ZNF695: variants seen among roughly 807,000 people sequenced by gnomAD.
The protein encoded by ZNF695 is zinc finger protein 695.
ZNF695 carries 11 observed loss-of-function variants against 11.2 expected under a neutral mutation model. The observed-to-expected ratio is 0.98, with a 90% CI of 0.62 to 1.62. ZNF695 has a LOEUF of 1.62. Among genes scored for constraint, ZNF695 ranks in the 40% most tolerant of loss-of-function variants. ZNF695 has a pLI of 0.00. For synonymous variants in ZNF695, 190 were observed against 201.4 expected (o/e 0.94, Z 0.48); for missense variants, 559 against 590.5 (o/e 0.95, Z 0.55).
chr1:246,974,552 T>C (rs780406914), intron 4 of ZNF695, among the ~76,000 whole-genome samples: 3 of 152,236 alleles, frequency 2.0e-5, no homozygotes, highest in Non-Finnish European at 4.4e-5. Flanking sequence ...GTAAATTTCA[T>C]ATCATGTGGC....
intron 5 of ZNF695, among the ~76,000 whole-genome samples, chr1:246,954,471 C>T (rs969970254): frequency 4.6e-5 from 7 of 152,164 alleles, no homozygotes; most frequent in African/African-American, 1.2e-4. Context: ...TGGCAGTCAC[C>T]GTTCCCCAAA....
At chr1:246,990,221 C>G (rs1227309395) in intron 3 of ZNF695, among the ~76,000 whole-genome samples, 1 of 151,708 alleles carries the variant, frequency 6.6e-6, no homozygotes, top group Non-Finnish European at 1.5e-5. Flanking sequence ...AAGAAAGACA[C>G]TTTACCTATA....
At chr1:246,967,411 T>C (rs1478549266) in intron 5 of ZNF695, 7 of 456,342 alleles carry the variant, frequency 1.5e-5, no homozygotes, top group Non-Finnish European at 2.2e-5. Context: ...CAAGACATAG[T>C]TGAATTCTGG....
chr1:246,986,761 T>C lies in ZNF695; in HGVS notation c.*206A>G. The C allele has an allele frequency of 1.5e-6, 2 of 1,306,974 alleles. No individual in the cohort carries two copies. Among genetic ancestry groups the C allele is most frequent in the Non-Finnish European group, 1.9e-6 (2 of 1,032,726 alleles). The allele number at this position is 1,306,974 out of a possible 1,614,324, so 81.0% of individuals were successfully genotyped here. On this transcript the variant is annotated 3_prime_UTR_variant, in exon 4 of 4. Transcript: ENST00000339986. ...AAATTCTTCTGTGTACAGTAAGAGC[T>C]GTGATATAAGTGGAGGTGTTGAACC...
At chr1:246,992,773 T>C (rs751601935) in intron 3 of ZNF695, among the ~76,000 whole-genome samples, 3 of 152,136 alleles carry the variant, frequency 2.0e-5, no homozygotes, top group South Asian at 2.1e-4. Flanking sequence ...ACAAGCCCCA[T>C]AGAATGGAAG....
At chr1:246,995,692 G>A (rs928720025) in intron 3 of ZNF695, among the ~76,000 whole-genome samples, 1 of 151,538 alleles carries the variant, frequency 6.6e-6, no homozygotes, top group Non-Finnish European at 1.5e-5. Flanking sequence ...GCACATGCCT[G>A]TAATCTCAGC....
In ZNF695 at chr1:246,987,280, TC is replaced by T; in HGVS notation, c.1234del (p.Glu412AsnfsTer116). 1.9e-6 allele frequency: 3 copies of T among 1,614,062 alleles called. No individual in the cohort carries two copies. Among genetic ancestry groups the T allele is most frequent in the Non-Finnish European group, 2.5e-6 (3 of 1,179,982 alleles). ...AAACCAGGTAAAAGCTTTGCCACATTCCTCACATTTGTAGGGTTTCTGCCCA... is the reference window on the plus strand; with the variant it reads ...AAACCAGGTAAAAGCTTTGCCACATTCTCACATTTGTAGGGTTTCTGCCCA... ...HTGQKPYKCE[E>X]CGKAFTWFSY... On this transcript the variant is annotated frameshift_variant, in exon 4 of 4. Coordinates refer to ENST00000339986, the MANE Select transcript of ZNF695 (RefSeq NM_020394.5). LOFTEE classifies it low-confidence loss of function (END_TRUNC).
At chr1:246,946,275 C>G in intron 5 of ZNF695, among the ~76,000 whole-genome samples, 1 of 152,304 alleles carries the variant, frequency 6.6e-6, no homozygotes, top group Admixed American at 6.5e-5. Flanking sequence ...CGTCTTCTAT[C>G]TACACCATGA....
intron 3 of ZNF695, among the ~76,000 whole-genome samples, chr1:246,997,621 T>G (rs547832213): frequency 6.6e-6 from 1 of 152,208 alleles, no homozygotes; most frequent in Non-Finnish European, 1.5e-5. Context: ...CATCCCCATG[T>G]TCATTACAGC....
At chr1:246,948,161 C>T (rs1667786394) in intron 5 of ZNF695, among the ~76,000 whole-genome samples, 1 of 152,160 alleles carries the variant, frequency 6.6e-6, no homozygotes, top group African/African-American at 2.4e-5. Context: ...GCAACCTCTA[C>T]TTCCCAGGCT....
downstream of ZNF695, among the ~76,000 whole-genome samples, chr1:246,981,062 TA>T (rs1409373908): frequency 6.6e-6 from 1 of 152,140 alleles, no homozygotes; most frequent in African/African-American, 2.4e-5. Flanking sequence ...AGAAAGATAT[TA>T]AAAATGGGGA....
At chr1:246,998,710 G>A (rs1397216705) in intron 3 of ZNF695, among the ~76,000 whole-genome samples, 1 of 152,186 alleles carries the variant, frequency 6.6e-6, no homozygotes, top group Non-Finnish European at 1.5e-5. Flanking sequence ...GCTCACGCCT[G>A]TAATCCCGGC....
At chr1:246,958,766 G>T (rs1668073101) in intron 5 of ZNF695, among the ~76,000 whole-genome samples, 1 of 152,168 alleles carries the variant, frequency 6.6e-6, no homozygotes, top group African/African-American at 2.4e-5. Flanking sequence ...ACGCATGATT[G>T]TTGTACTTTA....
chr1:246,965,282 G>A (rs993050663), intron 5 of ZNF695, among the ~76,000 whole-genome samples: 3 of 150,986 alleles, frequency 2.0e-5, no homozygotes, highest in Non-Finnish European at 3.0e-5. Context: ...GCGTGAACCC[G>A]GGAGGCGGAG....
intron 5 of ZNF695, among the ~76,000 whole-genome samples, chr1:246,960,365 T>C (rs1255806186): frequency 6.6e-6 from 1 of 152,194 alleles, no homozygotes; most frequent in Non-Finnish European, 1.5e-5. Context: ...TGGGGAAAAA[T>C]TTATATTATA....
intron 5 of ZNF695, among the ~76,000 whole-genome samples, chr1:246,955,262 T>C (rs1387272664): frequency 6.6e-6 from 1 of 152,160 alleles, no homozygotes; most frequent in Non-Finnish European, 1.5e-5. Context: ...AATAGACCAA[T>C]ACAGGCCTAT....
At chr1:246,982,807 G>A (rs1668744029), downstream of ZNF695, among the ~76,000 whole-genome samples, 1 of 151,862 alleles carries the variant, frequency 6.6e-6, no homozygotes, top group East Asian at 1.9e-4. Flanking sequence ...TCTCAAATAA[G>A]TTTGAAAATT....
At chr1:246,998,803 T>A (rs1264400739) in intron 3 of ZNF695, among the ~76,000 whole-genome samples, 1 of 152,076 alleles carries the variant, frequency 6.6e-6, no homozygotes, top group Non-Finnish European at 1.5e-5. Flanking sequence ...CTGTCTCTAC[T>A]AAAGTACAAA....
chr1:246,983,875 C>T (rs1232124015), downstream of ZNF695, among the ~76,000 whole-genome samples: 4 of 151,108 alleles, frequency 2.6e-5, no homozygotes, highest in African/African-American at 9.7e-5. Context: ...TTCAAATTTC[C>T]AGGCCAGGTG....
Sources: gnomAD v4.1 joint callset for allele counts (sites outside exome capture counted in the v4.1 genomes callset) on GRCh38, gnomAD v4.1.1 for gene constraint, MANE v1.5 for transcripts, NCBI Gene and HGNC (gene_info 2026-07-23, HGNC 2026-07-21) for gene names.